Variants in CDH13 observed in about 807,000 individuals in gnomAD.
CDH13 encodes the protein cadherin-13.
Under a neutral mutation model 63.8 loss-of-function variants are expected in CDH13, and 24 were observed. The ratio of observed to expected loss-of-function variants is 0.38; its 90% confidence interval spans 0.27 to 0.53. CDH13 has a LOEUF of 0.53. Among genes scored for constraint, CDH13 ranks in the 20% least tolerant of loss-of-function variants. CDH13 has a pLI of 0.85. For synonymous variants in CDH13, 503 were observed against 355.3 expected (o/e 1.42, Z -4.67); for missense variants, 1,049 against 903.1 (o/e 1.16, Z -2.07).
chr16:83,381,537 A>G (rs955449747), intron 6 of CDH13, among the ~76,000 whole-genome samples: 1 of 152,006 alleles, frequency 6.6e-6, no homozygotes, highest in African/African-American at 2.4e-5. Flanking sequence ...ACATTAAATG[A>G]TAAGCTCTTT....
chr16:83,591,458 G>T (rs542267597), intron 7 of CDH13, among the ~76,000 whole-genome samples: 1 of 152,340 alleles, frequency 6.6e-6, no homozygotes, highest in African/African-American at 2.4e-5. Context: ...GATTCACTCT[G>T]TTTCCTCTCA....
At chr16:83,706,396 A>T (rs1292599124) in intron 10 of CDH13, among the ~76,000 whole-genome samples, 1 of 152,196 alleles carries the variant, frequency 6.6e-6, no homozygotes, top group Non-Finnish European at 1.5e-5. Context: ...ACTAGACTCC[A>T]CCTGTGAACG....
At chr16:83,503,092 C>A (rs1385112968) in intron 7 of CDH13, among the ~76,000 whole-genome samples, 2 of 152,182 alleles carry the variant, frequency 1.3e-5, no homozygotes, top group African/African-American at 2.4e-5. Context: ...TAGATCTGTA[C>A]CTTGTAGGTG....
intron 1 of CDH13, among the ~76,000 whole-genome samples, chr16:82,731,518 G>C (rs1261240544): frequency 6.6e-6 from 1 of 152,136 alleles, no homozygotes; most frequent in Non-Finnish European, 1.5e-5. Flanking sequence ...AAAGTATTTT[G>C]GGATTCAGCA....
intron 7 of CDH13, among the ~76,000 whole-genome samples, chr16:83,544,152 C>G (rs1211600583): frequency 6.6e-6 from 1 of 152,194 alleles, no homozygotes; most frequent in Non-Finnish European, 1.5e-5. Context: ...CGCAGTGTCT[C>G]TGAGGTGAGA....
intron 2 of CDH13, among the ~76,000 whole-genome samples, chr16:82,985,826 G>C (rs1910865688): frequency 1.3e-5 from 2 of 152,146 alleles, no homozygotes; most frequent in African/African-American, 4.8e-5. Flanking sequence ...TCTCATGATA[G>C]TGAGTGAGTT....
intron 10 of CDH13, among the ~76,000 whole-genome samples, chr16:83,693,308 A>T (rs1905078702): frequency 6.6e-6 from 1 of 152,224 alleles, no homozygotes; most frequent in African/African-American, 2.4e-5. Flanking sequence ...GAATTCAGGG[A>T]AAGTGTTTAG....
chr16:82,817,008 C>T (rs2037750686), intron 1 of CDH13, among the ~76,000 whole-genome samples: 1 of 152,000 alleles, frequency 6.6e-6, no homozygotes, highest in African/African-American at 2.4e-5. Context: ...AGGGAGCTAT[C>T]CCTTAGGAGG....
intron 1 of CDH13, among the ~76,000 whole-genome samples, chr16:82,711,530 G>T (rs1361272982): frequency 6.6e-6 from 1 of 152,174 alleles, no homozygotes; most frequent in Non-Finnish European, 1.5e-5. Flanking sequence ...AAAAAGATTA[G>T]AGGGTTCTGA....
intron 2 of CDH13, among the ~76,000 whole-genome samples, chr16:82,969,626 G>A (rs1305453967): frequency 6.6e-6 from 1 of 152,040 alleles, no homozygotes; most frequent in Non-Finnish European, 1.5e-5. Context: ...ATTATAGAAT[G>A]TTAGCAGCAT....
At chr16:82,637,427 C>CTTTTTTTT (rs1567577161) in intron 1 of CDH13, among the ~76,000 whole-genome samples, 1 of 54,754 alleles carries the variant, frequency 1.8e-5, no homozygotes, top group Non-Finnish European at 3.8e-5. Context: ...AGTTACTGTG[C>CTTTTTTTT]CTTTTTTTTT....
intron 6 of CDH13, among the ~76,000 whole-genome samples, chr16:83,471,086 C>T (rs1479385514): frequency 6.6e-6 from 1 of 152,082 alleles, no homozygotes; most frequent in Non-Finnish European, 1.5e-5. Flanking sequence ...CCTTCTCTGA[C>T]TCCCATGTCT....
chr16:82,782,759 T>C (rs1415252713), intron 1 of CDH13, among the ~76,000 whole-genome samples: 1 of 152,148 alleles, frequency 6.6e-6, no homozygotes, highest in Non-Finnish European at 1.5e-5. Context: ...AATCCGGCCT[T>C]CTGTCTGCCT....
chr16:83,075,052 C>T (rs1176958717), intron 3 of CDH13, among the ~76,000 whole-genome samples: 26 of 152,164 alleles, frequency 1.7e-4, no homozygotes. Context: ...TGTAGATAAA[C>T]ATCCTTGGGT....
intron 4 of CDH13, among the ~76,000 whole-genome samples, chr16:83,144,270 T>C (rs2036655097): frequency 6.6e-6 from 1 of 152,204 alleles, no homozygotes; most frequent in Non-Finnish European, 1.5e-5. Context: ...CTTTTGTTCC[T>C]GCGGTTGACA....
intron 6 of CDH13, among the ~76,000 whole-genome samples, chr16:83,467,481 G>C (rs902021): frequency 1 from 152,121 of 152,238 alleles, 76,002 homozygotes; most frequent in Middle Eastern, 1. Context: ...AGGAGCTGGC[G>C]CCTTACAGCT....
chr16:83,369,029 T>A (rs2091312624), intron 6 of CDH13, among the ~76,000 whole-genome samples: 1 of 150,112 alleles, frequency 6.7e-6, no homozygotes, highest in East Asian at 2.0e-4. Flanking sequence ...TAAACATGCA[T>A]GTGCAAGTAT....
chr16:83,759,656 T>G (rs1913798625), intron 11 of CDH13, among the ~76,000 whole-genome samples: 4 of 152,154 alleles, frequency 2.6e-5, no homozygotes, highest in African/African-American at 4.8e-5. Flanking sequence ...CCTGGTACAG[T>G]GGCTCATGCC....
intron 1 of CDH13, among the ~76,000 whole-genome samples, chr16:82,716,599 G>C (rs1257821232): frequency 4.7e-5 from 7 of 148,520 alleles, no homozygotes; most frequent in Non-Finnish European, 1.0e-4. Context: ...CTTCATACTA[G>C]ATTAATTATG....
Sources: allele counts gnomAD v4.1 joint callset (sites outside exome capture counted in the v4.1 genomes callset), GRCh38; gene constraint gnomAD v4.1.1; transcripts MANE v1.5; gene names NCBI Gene and HGNC (gene_info 2026-07-23, HGNC 2026-07-21).